CLDN19: variants seen among roughly 807,000 people sequenced by gnomAD.
CLDN19 encodes claudin 19.
A neutral mutation model predicts 24.5 loss-of-function variants in CLDN19; 19 were observed. That is an observed-to-expected ratio of 0.78 (90% CI 0.54 to 1.14). The LOEUF (loss-of-function observed/expected upper bound fraction) is 1.14. Among genes scored for constraint, CLDN19 ranks in the 50% most tolerant of loss-of-function variants. The probability of loss-of-function intolerance (pLI) is 0.00; values close to 1 mark genes in which losing one functional copy is unlikely to be tolerated. For synonymous variants in CLDN19, 117 were observed against 129.6 expected, an observed-to-expected ratio of 0.90 and a Z score of 0.66; for missense variants, 250 against 295.9, an observed-to-expected ratio of 0.84 and a Z score of 1.14.
chr1:42,738,370 G>T (rs985350388), intron 2 of CLDN19, 51 bp downstream of exon 2: 8 of 1,613,286 alleles, frequency 5.0e-6, no homozygotes, highest in Non-Finnish European at 6.8e-6. Context: ...GGCCACTGGG[G>T]CTGGGGCTGC....
chr1:42,738,261 C>T lies in CLDN19; in HGVS notation c.441G>A (p.Glu147=). The part of the protein sequence containing the change: ...VSWYATLVTQ[E]FFNPSTPVNA... ...TGACAGGTGTGCTTGGGTTGAAGAA[C>T]TCCTGGGTCACCAGGGTGGCATACC... Residue 147 remains glutamate, a synonymous_variant, in exon 3 of 5, where the codon GAG becomes GAA. Transcript: ENST00000296387. 1 of 1,613,918 alleles carries T rather than the reference C, an allele frequency of 6.2e-7. No homozygotes were observed. Among genetic ancestry groups the T allele is most frequent in the Non-Finnish European group, 8.5e-7 (1 of 1,180,034 alleles).
chr1:42,738,437 G>A lies in CLDN19; in HGVS notation c.372C>T (p.Ala124=). 1 of 1,613,980 alleles carries A rather than the reference G, an allele frequency of 6.2e-7. No homozygotes were observed. Among genetic ancestry groups the A allele is most frequent in the Non-Finnish European group, 8.5e-7 (1 of 1,180,036 alleles). The change falls in exon 2 of 5, where the codon GCC becomes GCT. Residue 124 remains alanine, a synonymous_variant. Transcript: ENST00000296387. The part of the protein sequence containing the change: ...AKGRVAIAGG[A]LFILAGLCTL... The stretch of plus-strand genomic sequence containing the variant: ...GGCACTCACCTGCCAGGATGAAGAG[G>A]GCTCCCCCGGCGATGGCAACACGGC...
chr1:42,739,781 G>T, intron 1 of CLDN19, 60 bp downstream of exon 1: 3 of 1,428,720 alleles, frequency 2.1e-6, no homozygotes, highest in Non-Finnish European at 2.9e-6. Context: ...AGGAAAACTT[G>T]CTCCAGACTC....
At position 42,740,015 on chromosome 1, in the gene CLDN19, C is replaced by T. The variant is rs555427014; in HGVS notation, c.49G>A (p.Gly17Ser). 2 of 1,571,178 alleles carry T rather than the reference C, an allele frequency of 1.3e-6. No individual in the cohort carries two copies. Among genetic ancestry groups the T allele is most frequent in the Admixed American group, 1.9e-5 (1 of 53,718 alleles). Reference sequence around the variant, plus strand: ...GTGCTAGCAATGATGCCCACCCAGCCACCCAGGGCCAAGAAGTAGCCCAGG... The same window carrying T: ...GTGCTAGCAATGATGCCCACCCAGCTACCCAGGGCCAAGAAGTAGCCCAGG... ...QLLGYFLALG[G>S]WVGIIASTAL... The change falls in exon 1 of 5, where the codon GGC (glycine) becomes AGC (serine). Residue 17 changes from glycine to serine, a missense_variant. Physicochemically the swap from Gly to Ser is moderately conservative, Grantham distance 56. Transcript: ENST00000296387.
At chr1:42,735,769 C>A in intron 4 of CLDN19, 109 bp downstream of exon 4, 1 of 1,529,216 alleles carries the variant, frequency 6.5e-7, no homozygotes, top group South Asian at 1.2e-5. Context: ...CACCTATGCC[C>A]ATCCTATGCC....
At position 42,739,888 on chromosome 1, in the gene CLDN19, G is replaced by A. The variant is rs1339250013; in HGVS notation, c.176C>T (p.Thr59Ile). Residue 59 changes from threonine (T) to isoleucine (I), a missense_variant, in exon 1 of 5, where the codon ACT (threonine) becomes ATT (isoleucine). Physicochemically the swap from Thr to Ile is moderately conservative, Grantham distance 89. Transcript: ENST00000296387. ...GLWMSCASQS[T>I]GQVQCKLYDS... is the part of the protein sequence containing the mutation. The stretch of plus-strand genomic sequence containing the variant: ...GTAGAGCTTGCACTGCACTTGCCCA[G>A]TGCTCTGGGAGGCGCAGGACATCCA... 1 of 1,613,132 alleles carries A rather than the reference G, an allele frequency of 6.2e-7. No homozygotes were observed. Among genetic ancestry groups the A allele is most frequent in the Non-Finnish European group, 8.5e-7 (1 of 1,179,854 alleles).
At chr1:42,735,188 G>T (rs184994488) in intron 4 of CLDN19, 54 bp from the exon 5 acceptor site, 2 of 1,609,932 alleles carry the variant, frequency 1.2e-6, no homozygotes, top group Non-Finnish European at 1.7e-6. Flanking sequence ...GGGGTCGGGG[G>T]CAGGGGCTGT....
In CLDN19 at chr1:42,738,811, G is replaced by A. The variant is rs997904708; in HGVS notation, c.224-226C>T. 6.8e-4 allele frequency among the ~76,000 whole-genome samples: 104 copies of A among 152,264 alleles called. 1 individual carries two copies. The highest frequency in any genetic ancestry group is 2.5e-3 in the African/African-American group (102 of 41,562). ...TCACTGTCAACGCCATTCTCCACTC[G>A]CCCTTGCAGGCTTTTCCGGTAGTAT... On this transcript the variant is annotated intron_variant, in intron 1 of 4. Transcript: ENST00000296387.
chr1:42,738,170 G>T, intron 3 of CLDN19, 59 bp downstream of exon 3: 1 of 1,351,092 alleles, frequency 7.4e-7, no homozygotes, highest in Non-Finnish European at 1.1e-6. Flanking sequence ...GTGATCCAGT[G>T]GACAAAGGTC....
chr1:42,739,385 C>T (rs1054131927), intron 1 of CLDN19, among the ~76,000 whole-genome samples: 7 of 152,028 alleles, frequency 4.6e-5, no homozygotes, highest in Admixed American at 2.6e-4. Context: ...CGTGTGCATG[C>T]GTGTTTGCAT....
At chr1:42,735,528 C>T in intron 4 of CLDN19, 1 of 1,416,844 alleles carries the variant, frequency 7.1e-7, no homozygotes. Flanking sequence ...TAGGGCCCAG[C>T]ACGTAGCAGA....
intron 4 of CLDN19, 186 bp downstream of exon 4, chr1:42,735,692 G>A: frequency 6.9e-7 from 1 of 1,448,796 alleles, no homozygotes; most frequent in Non-Finnish European, 9.1e-7. Context: ...TGCCTCTGGT[G>A]TCTCTCTGAG....
rs1651365113 is a variant in CLDN19, at chr1:42,736,171, G to T, written c.474-141C>A. ...CCTCTTCCATATCTCCAGATAAATT[G>T]AGGTGAATGCTCTTCCTTTCTCCCT... On this transcript the variant is annotated intron_variant, in intron 3 of 4. Transcript: ENST00000296387. 3 of 626,504 alleles carry T rather than the reference G, an allele frequency of 4.8e-6. No homozygotes were observed. The Admixed American group carries it at 8.7e-5, about 18-fold the overall frequency. 38.8% of individuals were successfully genotyped at this position (626,504 alleles called of 1,614,324 possible).
Position 42,734,863 on chromosome 1 carries a change from G to T in CLDN19, c.*223C>A. 1 of 590,540 alleles carries T rather than the reference G, an allele frequency of 1.7e-6. No individual in the cohort carries two copies. 36.6% of individuals were successfully genotyped at this position (590,540 alleles called of 1,614,324 possible). ...CTGAATTATTTCTTGCTTAGCCCTG[G>T]ATGTGCTATGTAACCCACCCTGGAC... On this transcript the variant is annotated 3_prime_UTR_variant, in exon 5 of 5. Transcript: ENST00000296387.
rs889513882 is a variant in CLDN19, at chr1:42,739,194, T to C, written c.224-609A>G. ...CACAATGGGGCTGGTTGAAGGCCGC[T>C]CTGCTCCCAGCTCCCATGGGGAGCA... is the stretch of plus-strand genomic sequence containing the variant. On this transcript the variant is annotated intron_variant, in intron 1 of 4. Transcript: ENST00000296387. Among the ~76,000 whole-genome samples, 23 of 152,294 alleles carry C rather than the reference T, an allele frequency of 1.5e-4. 1 individual carries two copies. Among genetic ancestry groups the C allele is most frequent in the African/African-American group, 5.3e-4 (22 of 41,560 alleles).
rs796637327 is a variant in CLDN19, at chr1:42,734,829, G to A, written c.*257C>T. ...TGGGAGGGGGGTCCCTAGACAGAGGGTAGGACCTCTGAATTATTTCTTGCT... is the reference window on the plus strand; with the variant it reads ...TGGGAGGGGGGTCCCTAGACAGAGGATAGGACCTCTGAATTATTTCTTGCT... On this transcript the variant is annotated 3_prime_UTR_variant, in exon 5 of 5. Transcript: ENST00000296387. 34 of 523,320 alleles carry A rather than the reference G, an allele frequency of 6.5e-5. No individual in the cohort carries two copies. The highest frequency in any genetic ancestry group is 5.3e-4 in the African/African-American group (28 of 52,452). 32.4% of individuals were successfully genotyped at this position (523,320 alleles called of 1,614,324 possible). A position where few individuals can be genotyped will look rare whatever the true frequency, so the allele number is the denominator to read the frequency against.
rs111438636 is a variant in CLDN19, at chr1:42,736,197, C to A, written c.474-167G>T. 0.031 allele frequency among the ~76,000 whole-genome samples: 4,647 copies of A among 151,656 alleles called. 102 individuals carry two copies. Among genetic ancestry groups the A allele is most frequent in the Non-Finnish European group, 0.05 (3,378 of 67,958 alleles). On this transcript the variant is annotated intron_variant, in intron 3 of 4. Transcript: ENST00000296387. ...AGGTGAATGCTCTTCCTTTCTCCCT[C>A]CCCCCCAGCCCAGAATATCAACACC...
chr1:42,737,574 TGTGAACTG>T (rs1204530165), intron 3 of CLDN19, among the ~76,000 whole-genome samples: 2 of 152,204 alleles, frequency 1.3e-5, no homozygotes, highest in Non-Finnish European at 2.9e-5. Flanking sequence ...GACAACCATG[TGTGAACTG>T]GTGCTCAGGT....
rs941943594 is a variant in CLDN19 at position 42,740,213 on chromosome 1, G to A, written c.-150C>T. ...GGCAGAGAAGGAGAGGTGGTGCGGC[G>A]GCAGCGGCTGGAGCAAAGGCAGTGG... is the stretch of plus-strand genomic sequence containing the variant. On this transcript the variant is annotated 5_prime_UTR_variant, in exon 1 of 5. Coordinates refer to ENST00000296387, the MANE Select transcript of CLDN19 (RefSeq NM_148960.3). 30 of 693,416 alleles carry A rather than the reference G, an allele frequency of 4.3e-5. No individual in the cohort carries two copies. Among genetic ancestry groups the A allele is most frequent in the Non-Finnish European group, 6.2e-5 (24 of 385,482 alleles). The allele number at this position is 693,416 out of a possible 1,614,324, so 43.0% of individuals were successfully genotyped here.
Sources: gnomAD v4.1 joint callset for allele counts (sites outside exome capture counted in the v4.1 genomes callset) on GRCh38, gnomAD v4.1.1 for gene constraint, MANE v1.5 for transcripts, NCBI Gene and HGNC (gene_info 2026-07-23, HGNC 2026-07-21) for gene names.